NEMP2: variants seen among roughly 807,000 people sequenced by gnomAD.
The protein encoded by NEMP2 is UPF0571 transmembrane protein.
A neutral mutation model predicts 54.2 loss-of-function variants in NEMP2; 53 were observed. That is an observed-to-expected ratio of 0.98 (90% confidence interval 0.78 to 1.23). The LOEUF (loss-of-function observed/expected upper bound fraction) is 1.23, where lower values mean the gene tolerates loss of function less well. Among genes scored for constraint, NEMP2 ranks in the 50% most tolerant of loss-of-function variants. The pLI, the probability that NEMP2 is intolerant of heterozygous loss-of-function variation, is 0.00. For missense variants in NEMP2, 455 were observed against 511.3 expected, an observed-to-expected ratio of 0.89 and a Z score of 1.06; for synonymous variants, 197 against 190.3, an observed-to-expected ratio of 1.04 and a Z score of -0.29.
At chr2:190,647,710 CTTTTT>C in the NEMP2 span, among the ~76,000 whole-genome samples, 11 of 102,372 alleles carry the variant, frequency 1.1e-4, no homozygotes, top group South Asian at 1.3e-3. Context: ...TCTTCTTCTT[CTTTTT>C]TTTTTTTTTT....
the NEMP2 span, among the ~76,000 whole-genome samples, chr2:190,549,732 T>C: frequency 6.6e-6 from 1 of 152,228 alleles, no homozygotes; most frequent in African/African-American, 2.4e-5. Flanking sequence ...TTTGCCAGTT[T>C]CTTTGATATC....
At position 190,520,365 on chromosome 2, in the gene NEMP2, G is replaced by A. The variant is rs1690713428; in HGVS notation, c.214-1182C>T. ...AACAAAGCACTAGCTACAAGCCGAT[G>A]GTGACAACCCAGTGGTCATTAAATG... On this transcript the variant is annotated intron_variant, in intron 2 of 8. Transcript: ENST00000409150. This position sits in a 1 kb window ranked among gnomAD's most constrained non-coding sequence, Gnocchi z 5.4. 1.3e-5 allele frequency among the ~76,000 whole-genome samples: 2 copies of A among 152,156 alleles called. No individual in the cohort carries two copies. Among genetic ancestry groups the A allele is most frequent in the South Asian group, 2.1e-4 (1 of 4,826 alleles).
chr2:190,519,281 G>T lies in NEMP2; in HGVS notation c.214-98C>A. 1 of 831,744 alleles carries T rather than the reference G, an allele frequency of 1.2e-6. No homozygotes were observed. The highest frequency in any genetic ancestry group is 1.9e-6 in the Non-Finnish European group (1 of 532,736). The allele number at this position is 831,744 out of a possible 1,614,324, so 51.5% of individuals were successfully genotyped here. On this transcript the variant is annotated intron_variant, in intron 2 of 8. Coordinates refer to ENST00000409150, the MANE Select transcript of NEMP2 (RefSeq NM_001142645.2). This position sits in a 1 kb window ranked among gnomAD's most constrained non-coding sequence, Gnocchi z 5.4. ...CTGTTGCCCAGAATGGAGTGCAGTG[G>T]CAGGATCTCTGCTCACTGCAACCTG...
chr2:190,576,831 G>A, the NEMP2 span, among the ~76,000 whole-genome samples: 1 of 152,146 alleles, frequency 6.6e-6, no homozygotes, highest in East Asian at 1.9e-4. Context: ...TTATGGCAAC[G>A]GAAAAACAGT....
At chr2:190,492,406 G>A in the NEMP2 span, among the ~76,000 whole-genome samples, 1 of 152,178 alleles carries the variant, frequency 6.6e-6, no homozygotes, top group African/African-American at 2.4e-5. The surrounding 1 kb of genome is among the most constrained non-coding windows in gnomAD (Gnocchi z 5.2). Flanking sequence ...AAAAGCACCA[G>A]ATAACCTATA....
the NEMP2 span, among the ~76,000 whole-genome samples, chr2:190,635,787 C>T: frequency 6.6e-6 from 1 of 152,206 alleles, no homozygotes; most frequent in Non-Finnish European, 1.5e-5. This position sits in a 1 kb window ranked among gnomAD's most constrained non-coding sequence, Gnocchi z 4.1. Flanking sequence ...AGAGTATGCA[C>T]ACCTTTAACT....
chr2:190,466,939 G>A, the NEMP2 span, among the ~76,000 whole-genome samples: 1 of 152,184 alleles, frequency 6.6e-6, no homozygotes, highest in Non-Finnish European at 1.5e-5. Context: ...TGAAGGCAAA[G>A]CACAATCTAC....
chr2:190,514,739 C>A lies in NEMP2; in HGVS notation c.728-61G>T. The A allele has an allele frequency of 1.4e-6, 2 of 1,456,396 alleles. No individual in the cohort carries two copies. The highest frequency in any genetic ancestry group is 1.2e-5 in the South Asian group (1 of 80,674). 90.2% of individuals were successfully genotyped at this position (1,456,396 alleles called of 1,614,324 possible). ...GAATTTGAGACATTATGTGAAAAAC[C>A]TGGCAGAGCCTTGACTTAAAGGTAA... On this transcript the variant is annotated intron_variant, in intron 6 of 8. Transcript: ENST00000409150. This position sits in a 1 kb window ranked among gnomAD's most constrained non-coding sequence, Gnocchi z 5.7.
chr2:190,613,097 A>G, the NEMP2 span, among the ~76,000 whole-genome samples: 1 of 152,218 alleles, frequency 6.6e-6, no homozygotes, highest in Non-Finnish European at 1.5e-5. Context: ...ATGCAAAATT[A>G]TAACTGAGAG....
the NEMP2 span, among the ~76,000 whole-genome samples, chr2:190,495,987 A>G: frequency 6.6e-6 from 1 of 152,220 alleles, no homozygotes; most frequent in East Asian, 1.9e-4. The surrounding 1 kb of genome is among the most constrained non-coding windows in gnomAD (Gnocchi z 4.7). Flanking sequence ...AAAGATAAAT[A>G]GATGGGACTT....
chr2:190,605,891 T>C, the NEMP2 span, among the ~76,000 whole-genome samples: 16 of 152,222 alleles, frequency 1.1e-4, no homozygotes, highest in Admixed American at 2.0e-4. Context: ...GGAGTGTCTG[T>C]TGACAGTGTA....
At chr2:190,467,446 C>T in the NEMP2 span, among the ~76,000 whole-genome samples, 1 of 152,296 alleles carries the variant, frequency 6.6e-6, no homozygotes, top group East Asian at 1.9e-4. This position sits in a 1 kb window ranked among gnomAD's most constrained non-coding sequence, Gnocchi z 5.5. Context: ...AACCTCGTCT[C>T]TACTAAAAAT....
the NEMP2 span, among the ~76,000 whole-genome samples, chr2:190,458,219 C>CTA: frequency 6.6e-6 from 1 of 151,894 alleles, no homozygotes; most frequent in Non-Finnish European, 1.5e-5. This position sits in a 1 kb window ranked among gnomAD's most constrained non-coding sequence, Gnocchi z 5.3. Flanking sequence ...CGTTGAGGTC[C>CTA]TAACCCACAG....
the NEMP2 span, chr2:190,497,348 A>G: frequency 4.9e-6 from 7 of 1,426,614 alleles, no homozygotes; most frequent in South Asian, 6.6e-5. The surrounding 1 kb of genome is among the most constrained non-coding windows in gnomAD (Gnocchi z 5.2). Context: ...GAATGGGTAT[A>G]TGGGATTCTT....
At chr2:190,623,327 C>A in the NEMP2 span, among the ~76,000 whole-genome samples, 1 of 152,040 alleles carries the variant, frequency 6.6e-6, no homozygotes, top group African/African-American at 2.4e-5. Flanking sequence ...CCCTAAAATT[C>A]TAATGGGACC....
chr2:190,629,294 G>A, the NEMP2 span, among the ~76,000 whole-genome samples: 5 of 152,074 alleles, frequency 3.3e-5, no homozygotes, highest in East Asian at 1.9e-4. Flanking sequence ...ATTGAAATAC[G>A]TATTATGAAA....
chr2:190,595,869 T>C, the NEMP2 span, among the ~76,000 whole-genome samples: 1 of 152,150 alleles, frequency 6.6e-6, no homozygotes, highest in East Asian at 1.9e-4. The surrounding 1 kb of genome is among the most constrained non-coding windows in gnomAD (Gnocchi z 4.0). Flanking sequence ...TAACCAGAAA[T>C]ATCATTTGAA....
At chr2:190,579,448 C>A in the NEMP2 span, among the ~76,000 whole-genome samples, 1 of 151,846 alleles carries the variant, frequency 6.6e-6, no homozygotes, top group African/African-American at 2.4e-5. Context: ...GGAATTCCAG[C>A]AGCAAATAAC....
At chr2:190,645,652 T>C in the NEMP2 span, among the ~76,000 whole-genome samples, 5 of 152,366 alleles carry the variant, frequency 3.3e-5, no homozygotes, top group South Asian at 2.1e-4. Context: ...CCACTGAATA[T>C]ACAGCAGTGA....
Sources: gnomAD v4.1 joint callset for allele counts (sites outside exome capture counted in the v4.1 genomes callset) on GRCh38, gnomAD v4.1.1 for gene constraint, Gnocchi (gnomAD v3.1) non-coding constraint, MANE v1.5 for transcripts, NCBI Gene and HGNC (gene_info 2026-07-23, HGNC 2026-07-21) for gene names.